Variants in NREP observed in about 807,000 individuals in gnomAD.
NREP encodes neuronal regeneration-related protein.
Under a neutral mutation model 8.6 loss-of-function variants are expected in NREP, and 5 were observed. The observed-to-expected ratio is 0.58, with a 90% CI of 0.30 to 1.22. The LOEUF (loss-of-function observed/expected upper bound fraction) is 1.22, where lower values mean the gene tolerates loss of function less well. NREP is among the 50% of genes most tolerant of loss of function. NREP has a pLI of 0.07. For missense variants in NREP, 86 were observed against 82.5 expected (o/e 1.04, Z -0.17); for synonymous variants, 27 against 28.0 (o/e 0.96, Z 0.11).
intron 3 of NREP, chr5:111,732,552 A>C (rs1748687637): frequency 6.6e-6 from 1 of 151,790 alleles, no homozygotes; most frequent in South Asian, 2.1e-4. Context: ...CACCACTCAC[A>C]CACCCTTAAG....
chr5:111,772,635 C>T (rs1427065196), intron 2 of NREP, among the ~76,000 whole-genome samples: 1 of 151,876 alleles, frequency 6.6e-6, no homozygotes, highest in Non-Finnish European at 1.5e-5. Flanking sequence ...TCTCATTCAG[C>T]CCCTCCCCCG....
At chr5:111,889,880 G>A (rs1376875041) in intron 2 of NREP, among the ~76,000 whole-genome samples, 1 of 152,132 alleles carries the variant, frequency 6.6e-6, no homozygotes, top group African/African-American at 2.4e-5. Context: ...CTTGCGGGCA[G>A]GGGTGGGGGT....
At chr5:111,881,844 C>G (rs1172225826) in intron 2 of NREP, among the ~76,000 whole-genome samples, 1 of 151,716 alleles carries the variant, frequency 6.6e-6, no homozygotes, top group Non-Finnish European at 1.5e-5. Flanking sequence ...TCACCATCAT[C>G]AAAGACCAAA....
intron 2 of NREP, among the ~76,000 whole-genome samples, chr5:111,877,587 G>T (rs1379619214): frequency 6.6e-6 from 1 of 152,170 alleles, no homozygotes; most frequent in Non-Finnish European, 1.5e-5. Context: ...TGGGCAAATG[G>T]AAATGAAAAT....
At chr5:111,873,619 T>C (rs1274781290) in intron 2 of NREP, among the ~76,000 whole-genome samples, 1 of 152,188 alleles carries the variant, frequency 6.6e-6, no homozygotes, top group East Asian at 1.9e-4. Flanking sequence ...GTCCTTCTCA[T>C]ACCTCTTCTC....
intron 2 of NREP, among the ~76,000 whole-genome samples, chr5:111,797,725 G>T (rs1472443895): frequency 6.6e-6 from 1 of 152,138 alleles, no homozygotes; most frequent in Non-Finnish European, 1.5e-5. Context: ...AGCTGGTAGC[G>T]GCCTCAATGA....
intron 2 of NREP, among the ~76,000 whole-genome samples, chr5:111,764,029 C>T (rs547064704): frequency 6.6e-6 from 1 of 152,344 alleles, no homozygotes; most frequent in African/African-American, 2.4e-5. Flanking sequence ...TACATATCCC[C>T]TGATATGATG....
chr5:111,924,325 G>A (rs1033960859), intron 2 of NREP, among the ~76,000 whole-genome samples: 3 of 152,180 alleles, frequency 2.0e-5, no homozygotes, highest in African/African-American at 7.2e-5. Context: ...AAGGTCTTTA[G>A]ACGGTGTTTG....
intron 2 of NREP, among the ~76,000 whole-genome samples, chr5:111,785,256 C>A (rs1236205393): frequency 6.6e-6 from 1 of 152,084 alleles, no homozygotes; most frequent in Non-Finnish European, 1.5e-5. Context: ...TCTACTCAGA[C>A]ATGATTCATT....
intron 2 of NREP, among the ~76,000 whole-genome samples, chr5:111,754,591 G>T (rs1750586903): frequency 6.6e-6 from 1 of 152,084 alleles, no homozygotes; most frequent in Admixed American, 6.6e-5. Flanking sequence ...ATGAAGTTGG[G>T]AACCATTTGC....
intron 2 of NREP, among the ~76,000 whole-genome samples, chr5:111,845,368 A>G (rs80340166): frequency 0.011 from 1,650 of 151,866 alleles, 33 homozygotes; most frequent in African/African-American, 0.038. Context: ...TCGTGCATAA[A>G]TTGTTCAAAT....
chr5:111,877,789 AG>A (rs1407245550), intron 2 of NREP, among the ~76,000 whole-genome samples: 1 of 151,488 alleles, frequency 6.6e-6, no homozygotes, highest in Non-Finnish European at 1.5e-5. Flanking sequence ...AAGACTCTAA[AG>A]GGGCCCTAAT....
chr5:111,934,730 A>G (rs1432213356), intron 2 of NREP, among the ~76,000 whole-genome samples: 1 of 152,134 alleles, frequency 6.6e-6, no homozygotes. Flanking sequence ...CTGAGGCCCA[A>G]CACAGGATTA....
At chr5:111,942,685 A>C (rs1755862271) in intron 2 of NREP, among the ~76,000 whole-genome samples, 1 of 152,052 alleles carries the variant, frequency 6.6e-6, no homozygotes, top group Non-Finnish European at 1.5e-5. Flanking sequence ...AAACCCTTGA[A>C]AATAGAGTTT....
intron 2 of NREP, among the ~76,000 whole-genome samples, chr5:111,974,770 T>C (rs577818460): frequency 9.7e-4 from 147 of 152,312 alleles, no homozygotes; most frequent in Middle Eastern, 3.4e-3. Flanking sequence ...CCATTGTACT[T>C]TCAAGATTCT....
chr5:111,792,602 C>A (rs893542630), intron 2 of NREP, among the ~76,000 whole-genome samples: 4 of 152,124 alleles, frequency 2.6e-5, no homozygotes, highest in Non-Finnish European at 5.9e-5. Flanking sequence ...TTTCTCAAGA[C>A]GCTTTGCTTT....
intron 2 of NREP, among the ~76,000 whole-genome samples, chr5:111,932,680 A>G (rs1189913170): frequency 2.0e-5 from 3 of 152,144 alleles, no homozygotes; most frequent in African/African-American, 7.2e-5. Context: ...TATAAATAAA[A>G]AACTTACAGA....
rs558686923 is a variant in NREP, at chr5:111,883,001, T to G, written c.135+92273A>C. ...ATATTAACTTTAAATGTAAATGGAC[T>G]AAATGCTCCAATTAAAAGACACAGA... On this transcript the variant is annotated intron_variant, in intron 2 of 3. Coordinates refer to the NREP transcript ENST00000395634. Among the ~76,000 whole-genome samples, 9 of 152,340 alleles carry G rather than the reference T, an allele frequency of 5.9e-5. No individual in the cohort carries two copies. In the East Asian group the frequency reaches 1.5e-3, roughly 26 times the overall value.
chr5:111,857,649 C>A (rs1280631466), intron 2 of NREP, among the ~76,000 whole-genome samples: 2 of 152,042 alleles, frequency 1.3e-5, no homozygotes, highest in Non-Finnish European at 2.9e-5. Flanking sequence ...ACAGAAATTC[C>A]TTGAATTCTT....
Sources: allele counts gnomAD v4.1 joint callset (sites outside exome capture counted in the v4.1 genomes callset), GRCh38; gene constraint gnomAD v4.1.1; transcripts MANE v1.5; gene names NCBI Gene and HGNC (gene_info 2026-07-23, HGNC 2026-07-21).